Variants in PPP1R12C observed in about 807,000 individuals in gnomAD.
The protein encoded by PPP1R12C is leukocyte receptor cluster (LRC) encoded novel gene 3.
PPP1R12C carries 48 observed loss-of-function variants against 95.6 expected under a neutral mutation model. That is an observed-to-expected ratio of 0.50 (90% CI 0.40 to 0.64). The LOEUF is 0.64. Ranked by LOEUF, PPP1R12C falls within the 30% of genes least tolerant of loss-of-function variation. The probability of loss-of-function intolerance (pLI) is 0.00; values close to 1 mark genes in which losing one functional copy is unlikely to be tolerated. For missense variants in PPP1R12C, 1,057 were observed against 1,083.3 expected (o/e 0.98, Z 0.34); for synonymous variants, 480 against 460.8 (o/e 1.04, Z -0.53).
chr19:55,091,061 C>CCT lies in PPP1R12C; in HGVS notation c.*410_*411insAG, dbSNP rs1230737489. 5.4e-5 allele frequency: 14 copies of CCT among 257,378 alleles called. No homozygotes were observed. The highest frequency in any genetic ancestry group is 9.9e-5 in the Non-Finnish European group (13 of 130,940). The allele number at this position is 257,378 out of a possible 1,614,324, so 15.9% of individuals were successfully genotyped here. A position where few individuals can be genotyped will look rare whatever the true frequency, so the allele number is the denominator to read the frequency against. ...TTGCACATGGACCCTATATACAGGC[C>CCT]CACCTGGCTGAGGCTGGCGGGACTC... On this transcript the variant is annotated 3_prime_UTR_variant, in exon 22 of 22. Coordinates refer to ENST00000263433, the MANE Select transcript of PPP1R12C (RefSeq NM_017607.4).
At chr19:55,116,167 T>C (rs564807666) in intron 1 of PPP1R12C, among the ~76,000 whole-genome samples, 6 of 151,960 alleles carry the variant, frequency 3.9e-5, no homozygotes, top group Non-Finnish European at 8.8e-5. Context: ...GATGCAGGCC[T>C]ACAAGAAGGG....
Position 55,093,206 on chromosome 19 carries a change from C to G in PPP1R12C, c.1711G>C (p.Ala571Pro). Residue 571 changes from alanine to proline, a missense_variant, in exon 14 of 22, where the codon GCA (alanine) becomes CCA (proline). Physicochemically the swap from Ala to Pro is conservative, Grantham distance 27. Coordinates refer to ENST00000263433, the MANE Select transcript of PPP1R12C (RefSeq NM_017607.4). ...GGGGCCTTCCCTGCAGCCTTCTCTG[C>G]CTCCTTCAGGTCTGTAAGAGTCACA... ...QGVTLTDLKE[A>P]EKAAGKAPES... 6.2e-7 allele frequency: 1 copy of G among 1,613,564 alleles called. No homozygotes were observed. Among genetic ancestry groups the G allele is most frequent in the Non-Finnish European group, 8.5e-7 (1 of 1,179,954 alleles).
chr19:55,114,407 C>T, intron 1 of PPP1R12C: 1 of 152,544 alleles, frequency 6.6e-6, no homozygotes, highest in Non-Finnish European at 1.5e-5. Context: ...ACGTGGGGTA[C>T]CCTAAGAACT....
chr19:55,094,676 G>A lies in PPP1R12C; in HGVS notation c.1577C>T (p.Ser526Phe), dbSNP rs2084889292. ...PTASTAPPADSRDRRRSYQMP... is the reference protein window; with the variant it reads ...PTASTAPPADFRDRRRSYQMP... ...GCCTCTTCACCTCCGTCGGTCCCGG[G>A]AGTCCGCTGGGGGCGCCGTGGAGGC... Residue 526 changes from serine (S) to phenylalanine (F), a missense_variant, in exon 12 of 22, where the codon TCC (serine) becomes TTC (phenylalanine). By Grantham distance (155) the Ser-to-Phe change is radical. This residue lies in a region of PPP1R12C where 356 missense variants were observed against 330.5 expected (regional missense o/e 1.08). Coordinates refer to ENST00000263433, the MANE Select transcript of PPP1R12C (RefSeq NM_017607.4). 6.2e-7 allele frequency: 1 copy of A among 1,600,388 alleles called. No individual in the cohort carries two copies. The highest frequency in any genetic ancestry group is 1.1e-5 in the South Asian group (1 of 89,262).
chr19:55,112,674 T>TGG lies in PPP1R12C; in HGVS notation c.442_443insCC (p.Asp148AlafsTer8), dbSNP rs892651532. On this transcript the variant is annotated frameshift_variant, in exon 2 of 22. Transcript: ENST00000263433. LOFTEE classifies it high-confidence loss of function. ...CCCTCCCTTGCCTCACCTGGCGATA[T>TGG]CTAGGTAGCCACAGGAGGCGGCCAC... 7 of 1,613,594 alleles carry TGG rather than the reference T, an allele frequency of 4.3e-6. No homozygotes were observed. In the Admixed American group the frequency reaches 8.3e-5, roughly 19 times the overall value.
intron 3 of PPP1R12C, among the ~76,000 whole-genome samples, chr19:55,110,636 G>A (rs1426160311): frequency 6.6e-6 from 1 of 152,148 alleles, no homozygotes; most frequent in Non-Finnish European, 1.5e-5. Context: ...ACTTTGCGAG[G>A]CCGAGGCCAG....
chr19:55,112,030 G>A (rs1030650235), intron 3 of PPP1R12C: 1 of 159,772 alleles, frequency 6.3e-6, no homozygotes. Context: ...GGCTCCTGGG[G>A]TACGATGAGT....
chr19:55,091,759 C>G, intron 20 of PPP1R12C, 59 bp from the exon 21 acceptor site: 1 of 1,612,634 alleles, frequency 6.2e-7, no homozygotes. Flanking sequence ...AGGGGAAGGC[C>G]AGGGGCCAGC....
chr19:55,099,312 C>T (rs1375924564), intron 4 of PPP1R12C, among the ~76,000 whole-genome samples: 2 of 152,252 alleles, frequency 1.3e-5, no homozygotes, highest in Non-Finnish European at 2.9e-5. Flanking sequence ...ATGTTAAACC[C>T]TGACCCTGCA....
intron 1 of PPP1R12C, chr19:55,113,818 A>T: frequency 4.6e-6 from 1 of 218,060 alleles, no homozygotes; most frequent in Non-Finnish European, 9.0e-6. Flanking sequence ...TGTCATGGCG[A>T]TAGGGGAGGG....
chr19:55,107,827 G>A (rs2085055057), intron 3 of PPP1R12C, among the ~76,000 whole-genome samples: 1 of 150,842 alleles, frequency 6.6e-6, no homozygotes, highest in Admixed American at 6.6e-5. Flanking sequence ...ATGTACCATA[G>A]AACTTAAAGT....
chr19:55,091,616 T>G, intron 21 of PPP1R12C, 34 bp downstream of exon 21: 6 of 787,374 alleles, frequency 7.6e-6, no homozygotes, highest in Non-Finnish European at 9.9e-6. Context: ...CCACCCACCC[T>G]CGGCCCTCTG....
At chr19:55,106,667 G>A (rs1210772708) in intron 3 of PPP1R12C, among the ~76,000 whole-genome samples, 1 of 152,220 alleles carries the variant, frequency 6.6e-6, no homozygotes, top group East Asian at 1.9e-4. Flanking sequence ...CACAGGACAT[G>A]GTGCTGCTGC....
intron 11 of PPP1R12C, 92 bp downstream of exon 11, chr19:55,095,198 AG>A: frequency 7.4e-7 from 1 of 1,356,604 alleles, no homozygotes; most frequent in Non-Finnish European, 1.0e-6. Flanking sequence ...ACCAGACCCC[AG>A]GGGGTACATG....
At chr19:55,103,347 G>A in intron 4 of PPP1R12C, 62 bp downstream of exon 4, 2 of 1,338,702 alleles carry the variant, frequency 1.5e-6, no homozygotes, top group South Asian at 4.6e-5. Context: ...AAAAGAAAGG[G>A]AAAGGACAAG....
Position 55,092,378 on chromosome 19 carries a change from G to T in PPP1R12C, c.2056-52C>A, listed in dbSNP as rs572853873. ...GTGGAGGATGGGGCGATGCTGGGGG[G>T]GCGGGGAAGCCAGGAAGCTGGGCAC... On this transcript the variant is annotated intron_variant, in intron 18 of 21. Coordinates refer to ENST00000263433, the MANE Select transcript of PPP1R12C (RefSeq NM_017607.4). 2.3e-5 allele frequency: 36 copies of T among 1,567,674 alleles called. 1 individual carries two copies. In the South Asian group the frequency reaches 2.7e-4, roughly 12 times the overall value.
In PPP1R12C at chr19:55,093,091, A is replaced by T; in HGVS notation, c.1765-15T>A. ...CGGGAAGGGTCCTGTCGGGAGGGGG[A>T]GGCGAGTCAGGGAAGCAGGACATCC... On this transcript the variant is annotated splice_polypyrimidine_tract_variant and intron_variant, in intron 14 of 21. Coordinates refer to ENST00000263433, the MANE Select transcript of PPP1R12C (RefSeq NM_017607.4). 6.2e-7 allele frequency: 1 copy of T among 1,607,238 alleles called. No homozygotes were observed. Among genetic ancestry groups the T allele is most frequent in the Non-Finnish European group, 8.5e-7 (1 of 1,178,392 alleles).
In PPP1R12C at chr19:55,109,006, G is replaced by C. The variant is rs1284343845; in HGVS notation, c.571+3461C>G. 2.0e-5 allele frequency among the ~76,000 whole-genome samples: 3 copies of C among 152,180 alleles called. No individual in the cohort carries two copies. Among genetic ancestry groups the C allele is most frequent in the Non-Finnish European group, 4.4e-5 (3 of 68,038 alleles). The stretch of plus-strand genomic sequence containing the variant: ...AGACTGAATCATGTCCCACCGCATG[G>C]ATGGGCCACATGTTGATTTTCCATT... On this transcript the variant is annotated intron_variant, in intron 3 of 21. Transcript: ENST00000263433. This position sits in a 1 kb window ranked among gnomAD's most constrained non-coding sequence, Gnocchi z 4.4.
chr19:55,107,523 T>C (rs1415708014), intron 3 of PPP1R12C, among the ~76,000 whole-genome samples: 2 of 151,882 alleles, frequency 1.3e-5, no homozygotes, highest in Non-Finnish European at 1.5e-5. Flanking sequence ...TATGCAGCCA[T>C]AAAAAAGGAT....
Sources: gnomAD v4.1 joint callset for allele counts (sites outside exome capture counted in the v4.1 genomes callset) on GRCh38, gnomAD v4.1.1 for gene constraint, gnomAD v4.1.1 regional missense constraint, Gnocchi (gnomAD v3.1) non-coding constraint, MANE v1.5 for transcripts, NCBI Gene and HGNC (gene_info 2026-07-23, HGNC 2026-07-21) for gene names.